The following RPH3A variants were observed in gnomAD, a reference collection of about 807,000 sequenced individuals.
RPH3A encodes the protein rabphilin-3A.
In RPH3A, 48 loss-of-function variants were observed where a neutral mutation model predicts 102.2. That is an observed-to-expected ratio of 0.47 (90% CI 0.37 to 0.60). The LOEUF is 0.60. Ranked by LOEUF, RPH3A falls within the 20% of genes least tolerant of loss-of-function variation. RPH3A has a pLI of 0.00. For synonymous variants in RPH3A, 310 were observed against 324.3 expected (o/e 0.96, Z 0.47); for missense variants, 781 against 910.1 (o/e 0.86, Z 1.83).
chr12:112,671,871 A>ATCTT (rs1491226859), intron 1 of RPH3A, among the ~76,000 whole-genome samples: 3 of 144,042 alleles, frequency 2.1e-5, no homozygotes, highest in Non-Finnish European at 4.5e-5. Flanking sequence ...CTATCTATCT[A>ATCTT]CACACACACA....
intron 1 of RPH3A, among the ~76,000 whole-genome samples, chr12:112,716,029 G>A (rs1200228073): frequency 2.0e-5 from 3 of 152,194 alleles, no homozygotes; most frequent in Admixed American, 6.5e-5. Context: ...AACTGTTATG[G>A]CACTGGTGGG....
At chr12:112,683,759 CTT>C (rs140726092) in intron 1 of RPH3A, among the ~76,000 whole-genome samples, 2,059 of 152,228 alleles carry the variant, frequency 0.014, 29 homozygotes, top group African/African-American at 0.046. Context: ...ATCTTCAACT[CTT>C]CAGGATTGGG....
Position 112,870,007 on chromosome 12 carries a change from G to C in RPH3A, c.764G>C (p.Gly255Ala), listed in dbSNP as rs147818920. 1.1e-4 allele frequency: 178 copies of C among 1,614,134 alleles called. No individual in the cohort carries two copies. The highest frequency in any genetic ancestry group is 4.8e-4 in the Admixed American group (29 of 60,022). The stretch of plus-strand genomic sequence containing the variant: ...GATTCAGAGAGCTGGGACCACAGTG[G>C]GGGTGCTGGAGACTCCAGCCGGAGC... ...SRDSESWDHS[G>A]GAGDSSRSPA... is the part of the protein sequence containing the mutation. The change falls in exon 10 of 22, where the codon GGG (glycine) becomes GCG (alanine). Residue 255 changes from glycine (G) to alanine (A), a missense_variant. By Grantham distance (60) the Gly-to-Ala change is moderately conservative (BLOSUM62 0). Coordinates refer to ENST00000389385, the MANE Select transcript of RPH3A (RefSeq NM_001143854.2).
At chr12:112,709,916 C>A (rs1356143867) in intron 1 of RPH3A, among the ~76,000 whole-genome samples, 2 of 152,116 alleles carry the variant, frequency 1.3e-5, no homozygotes, top group Admixed American at 1.3e-4. Context: ...ACAAAGCAGC[C>A]CAAAGCCGGA....
At chr12:112,715,539 A>T (rs998200713) in intron 1 of RPH3A, among the ~76,000 whole-genome samples, 1 of 152,242 alleles carries the variant, frequency 6.6e-6, no homozygotes, top group African/African-American at 2.4e-5. Flanking sequence ...ACCAAATAAT[A>T]GTTGAATCAA....
intron 1 of RPH3A, among the ~76,000 whole-genome samples, chr12:112,655,379 G>A (rs1447331339): frequency 6.6e-6 from 1 of 152,078 alleles, no homozygotes; most frequent in Non-Finnish European, 1.5e-5. Flanking sequence ...AAACCACCCA[G>A]TGCTAGCAGT....
At chr12:112,617,854 C>T (rs2135978357) in intron 1 of RPH3A, 1 of 152,022 alleles carries the variant, frequency 6.6e-6, no homozygotes, top group East Asian at 1.9e-4. Context: ...TGCGTGCTAC[C>T]ACACCCAGCC....
At chr12:112,874,629 T>C (rs1444447541) in intron 10 of RPH3A, among the ~76,000 whole-genome samples, 1 of 152,284 alleles carries the variant, frequency 6.6e-6, no homozygotes, top group East Asian at 1.9e-4. Context: ...CATATGAAGA[T>C]AGAGACACAT....
intron 1 of RPH3A, among the ~76,000 whole-genome samples, chr12:112,712,238 C>T (rs2040467929): frequency 1.3e-5 from 2 of 152,122 alleles, no homozygotes; most frequent in South Asian, 4.2e-4. Context: ...CAGGCACGCA[C>T]GTAATCCACC....
chr12:112,678,858 C>A (rs946538200), intron 1 of RPH3A, among the ~76,000 whole-genome samples: 1 of 152,120 alleles, frequency 6.6e-6, no homozygotes, highest in Non-Finnish European at 1.5e-5. Context: ...TGCAATTCTG[C>A]GTGACAGATT....
At chr12:112,721,018 C>T (rs2040546631) in intron 1 of RPH3A, among the ~76,000 whole-genome samples, 1 of 152,138 alleles carries the variant, frequency 6.6e-6, no homozygotes, top group African/African-American at 2.4e-5. Flanking sequence ...AATGACTTAG[C>T]CTCTTTAAAC....
chr12:112,749,468 C>G (rs2040771294), intron 1 of RPH3A, among the ~76,000 whole-genome samples: 2 of 152,166 alleles, frequency 1.3e-5, no homozygotes, highest in South Asian at 4.1e-4. Flanking sequence ...TTTCTACTCT[C>G]CGACTCTCAG....
chr12:112,634,231 C>T (rs2039829797), intron 1 of RPH3A, among the ~76,000 whole-genome samples: 1 of 63,272 alleles, frequency 1.6e-5, no homozygotes, highest in Non-Finnish European at 2.9e-5. Context: ...GCCTGTAGTC[C>T]CAGCTACTTG....
At chr12:112,594,254 C>T (rs1212028787) in intron 1 of RPH3A, among the ~76,000 whole-genome samples, 1 of 152,158 alleles carries the variant, frequency 6.6e-6, no homozygotes, top group East Asian at 1.9e-4. Flanking sequence ...AAACTACCCT[C>T]TCATTCCTTC....
At chr12:112,875,201 C>T (rs769911090) in intron 11 of RPH3A, 31 bp downstream of exon 11, 24 of 1,535,430 alleles carry the variant, frequency 1.6e-5, no homozygotes, top group Non-Finnish European at 1.7e-5. Context: ...AGCACCTGCC[C>T]AGGCTGTCAC....
In RPH3A at chr12:112,894,599, A is replaced by G. The variant is rs1381120829; in HGVS notation, c.1797A>G (p.Gly599=). The G allele has an allele frequency of 6.2e-7, 1 of 1,613,976 alleles. No homozygotes were observed. The change falls in exon 20 of 22, where the codon GGA becomes GGG. Residue 599 remains glycine, a synonymous_variant. Coordinates refer to ENST00000389385, the MANE Select transcript of RPH3A (RefSeq NM_001143854.2). Reference sequence around the variant, plus strand: ...CCAGCTGGCTGAAACCGGACATGGGAAAGAAGGCCAAACACAAGACTCAAA... The same window carrying G: ...CCAGCTGGCTGAAACCGGACATGGGGAAGAAGGCCAAACACAAGACTCAAA... The part of the protein sequence containing the change: ...FVKLWLKPDM[G]KKAKHKTQIK...
chr12:112,763,458 C>T (rs143310425), intron 1 of RPH3A, among the ~76,000 whole-genome samples: 4 of 152,242 alleles, frequency 2.6e-5, no homozygotes, highest in Non-Finnish European at 5.9e-5. Context: ...TTGGTTAGGT[C>T]AAGAAAGGTG....
chr12:112,601,902 C>T (rs1170686291), intron 1 of RPH3A, among the ~76,000 whole-genome samples: 1 of 152,136 alleles, frequency 6.6e-6, no homozygotes, highest in African/African-American at 2.4e-5. Flanking sequence ...GATCATGCCA[C>T]TGCACTTCAG....
At chr12:112,877,001 C>T in intron 13 of RPH3A, 135 bp downstream of exon 13, 1 of 529,488 alleles carries the variant, frequency 1.9e-6, no homozygotes, top group South Asian at 3.9e-5. Context: ...ACATATTAAC[C>T]AAGTGATAGA....
Sources: allele counts gnomAD v4.1 joint callset (sites outside exome capture counted in the v4.1 genomes callset), GRCh38; gene constraint gnomAD v4.1.1; transcripts MANE v1.5; gene names NCBI Gene and HGNC (gene_info 2026-07-23, HGNC 2026-07-21).